The following DLG5 variants were observed in gnomAD, a reference collection of about 807,000 sequenced individuals.
The protein encoded by DLG5 is discs large MAGUK scaffold protein 5, also known as disks large homolog 5.
In DLG5, 48 loss-of-function variants were observed where a neutral mutation model predicts 189.8. The observed-to-expected ratio is 0.25, with a 90% CI of 0.20 to 0.32. The LOEUF is 0.32. Ranked by LOEUF, DLG5 falls within the 10% of genes least tolerant of loss-of-function variation. DLG5 has a pLI of 1.00. For missense variants in DLG5, 2,160 were observed against 2,544.7 expected (o/e 0.85, Z 3.25); for synonymous variants, 1,016 against 1,054.1 (o/e 0.96, Z 0.70).
At chr10:77,815,273 C>T (rs1841994316) in intron 20 of DLG5, among the ~76,000 whole-genome samples, 3 of 152,252 alleles carry the variant, frequency 2.0e-5, no homozygotes, top group African/African-American at 4.8e-5. Context: ...GATTCCCCTA[C>T]TGGGGCCAGG....
chr10:77,876,718 G>GGAGGGAGGGAGGGAGGGAGGGAGT (rs1845105796), intron 1 of DLG5, among the ~76,000 whole-genome samples: 1 of 85,980 alleles, frequency 1.2e-5, no homozygotes, highest in Non-Finnish European at 2.4e-5. Flanking sequence ...AGGGAGGGAG[G>GGAGGGAGGGAGGGAGGGAGGGAGT]GAGGGAGGGA....
At chr10:77,924,550 CTTCA>C (rs917641126) in intron 1 of DLG5, among the ~76,000 whole-genome samples, 2 of 152,232 alleles carry the variant, frequency 1.3e-5, no homozygotes, top group Non-Finnish European at 2.9e-5. Context: ...ATCTTAACTT[CTTCA>C]TTCAGAGATA....
chr10:77,813,491 C>T (rs80193797), intron 20 of DLG5, among the ~76,000 whole-genome samples: 6,784 of 152,268 alleles, frequency 0.045, 236 homozygotes, highest in East Asian at 0.18. Flanking sequence ...CAAACTTGCC[C>T]ACTCTGGAAA....
chr10:77,847,189 C>T (rs1029955405), intron 5 of DLG5, among the ~76,000 whole-genome samples: 2 of 152,226 alleles, frequency 1.3e-5, no homozygotes, highest in African/African-American at 2.4e-5. Context: ...GCTGCTCCCC[C>T]CAGCCTTCAT....
Position 77,806,937 on chromosome 10 carries a change from CA to C in DLG5, c.4797-10del, listed in dbSNP as rs756517807. On this transcript the variant is annotated splice_polypyrimidine_tract_variant and intron_variant, in intron 25 of 31. Transcript: ENST00000372391. Reference sequence around the variant, plus strand: ...GCCGGTCGTACAGGGCCCTGGACCACAGCACAGAAGGAACACGATCAGGCGG... The same window carrying C: ...GCCGGTCGTACAGGGCCCTGGACCACGCACAGAAGGAACACGATCAGGCGG... 6.2e-7 allele frequency: 1 copy of C among 1,607,690 alleles called. No homozygotes were observed. Among genetic ancestry groups the C allele is most frequent in the South Asian group, 1.1e-5 (1 of 90,890 alleles).
chr10:77,904,100 G>T (rs1846007030), intron 1 of DLG5, among the ~76,000 whole-genome samples: 1 of 152,198 alleles, frequency 6.6e-6, no homozygotes, highest in South Asian at 2.1e-4. Flanking sequence ...AGGATAACTT[G>T]AGTCCAAGAG....
At position 77,821,364 on chromosome 10, in the gene DLG5, G is replaced by A. The variant is rs1219716651; in HGVS notation, c.3120C>T (p.Gly1040=). 1 of 1,612,688 alleles carries A rather than the reference G, an allele frequency of 6.2e-7. No homozygotes were observed. The highest frequency in any genetic ancestry group is 2.2e-5 in the East Asian group (1 of 44,866). ...TSSESEATLV[G]SSPSTSPPSA... ...TCGGGGGACTAGTGGATGGGGAGCTGCCCACCAGAGTGGCTTCTGACTCGG... is the reference window on the plus strand; with the variant it reads ...TCGGGGGACTAGTGGATGGGGAGCTACCCACCAGAGTGGCTTCTGACTCGG... The change falls in exon 15 of 32, where the codon GGC becomes GGT. Residue 1040 remains glycine, a synonymous_variant. Coordinates refer to ENST00000372391, the MANE Select transcript of DLG5 (RefSeq NM_004747.4).
intron 20 of DLG5, chr10:77,816,241 C>T (rs1842044016): frequency 1.9e-5 from 12 of 626,766 alleles, no homozygotes; most frequent in South Asian, 1.8e-4. Flanking sequence ...CGTGACTTAG[C>T]CACACGTAAA....
intron 16 of DLG5, 173 bp from the exon 17 acceptor site, chr10:77,819,638 A>T (rs1842236519): frequency 2.8e-6 from 3 of 1,072,768 alleles, no homozygotes; most frequent in Non-Finnish European, 3.9e-6. Flanking sequence ...GCCTGTCTCC[A>T]TTTGTAAAAA....
chr10:77,791,479 C>G lies in DLG5; in HGVS notation c.*961G>C, dbSNP rs1384715445. The G allele has an allele frequency of 1.3e-5, 2 of 152,230 alleles. No homozygotes were observed. Among genetic ancestry groups the G allele is most frequent in the Non-Finnish European group, 2.9e-5 (2 of 68,032 alleles). 9.4% of individuals were successfully genotyped at this position (152,230 alleles called of 1,614,324 possible). On this transcript the variant is annotated 3_prime_UTR_variant, in exon 32 of 32. Transcript: ENST00000372391. ...AGTGACAATAACCATTATGCTTCCC[C>G]TAAAAGCTCTCAATTCAATGTCTGA... is the stretch of plus-strand genomic sequence containing the variant.
the DLG5 span, among the ~76,000 whole-genome samples, chr10:77,936,628 A>G: frequency 1.3e-5 from 2 of 152,176 alleles, no homozygotes; most frequent in African/African-American, 2.4e-5. Flanking sequence ...AATACTATTT[A>G]TTAAGTGCTT....
At chr10:77,830,713 G>A (rs1842855795) in intron 10 of DLG5, 28 bp downstream of exon 10, 1 of 1,611,548 alleles carries the variant, frequency 6.2e-7, no homozygotes, top group East Asian at 2.2e-5. Context: ...ATCAGAGAAG[G>A]AGAGAAGAAC....
chr10:77,828,763 A>T, intron 13 of DLG5, 119 bp downstream of exon 13: 1 of 857,560 alleles, frequency 1.2e-6, no homozygotes, highest in Non-Finnish European at 1.8e-6. Context: ...ATGTTCACAT[A>T]GTACAATGCC....
chr10:77,834,523 G>A (rs914057611), intron 8 of DLG5, among the ~76,000 whole-genome samples: 2 of 152,118 alleles, frequency 1.3e-5, no homozygotes, highest in Non-Finnish European at 2.9e-5. Flanking sequence ...GAGCCCCTTC[G>A]GATACCAGCC....
intron 17 of DLG5, 97 bp from the exon 18 acceptor site, chr10:77,817,986 G>A (rs914198649): frequency 7.0e-5 from 71 of 1,019,784 alleles, no homozygotes; most frequent in Admixed American, 1.6e-4. Context: ...GTTCCCAAGC[G>A]GGCAGAAGGG....
chr10:77,856,875 G>T lies in DLG5; in HGVS notation c.391C>A (p.Pro131Thr). The T allele has an allele frequency of 6.2e-7, 1 of 1,611,664 alleles. No individual in the cohort carries two copies. The change falls in exon 3 of 32, where the codon CCG becomes ACG. Residue 131 changes from proline (P) to threonine (T), a missense_variant. Pro to Thr is a conservative substitution (Grantham distance 38). Coordinates refer to ENST00000372391, the MANE Select transcript of DLG5 (RefSeq NM_004747.4). ...TCAGTGAGGAGGGGTGGTGGGGACG[G>T]CGCCTTCCCGGTAGTGCCTGTGGAA... ...LSSVGTTGKA[P>T]SPPPLLTDQQ...
chr10:77,916,683 C>T (rs1183298611), intron 1 of DLG5, among the ~76,000 whole-genome samples: 3 of 152,010 alleles, frequency 2.0e-5, no homozygotes, highest in Admixed American at 6.6e-5. Context: ...TTAATTAAAA[C>T]TCAGAGTAAA....
At chr10:77,863,454 G>C (rs992176265) in intron 2 of DLG5, among the ~76,000 whole-genome samples, 5 of 152,150 alleles carry the variant, frequency 3.3e-5, no homozygotes, top group African/African-American at 1.2e-4. Flanking sequence ...CATCCTAAGA[G>C]TGATGTTGAC....
At chr10:77,798,717 C>T (rs570106095) in intron 27 of DLG5, among the ~76,000 whole-genome samples, 1 of 152,190 alleles carries the variant, frequency 6.6e-6, no homozygotes, top group Non-Finnish European at 1.5e-5. Flanking sequence ...AACACTTATT[C>T]TGGATCGACT....
Sources: gnomAD v4.1 joint callset for allele counts (sites outside exome capture counted in the v4.1 genomes callset) on GRCh38, gnomAD v4.1.1 for gene constraint, MANE v1.5 for transcripts, NCBI Gene and HGNC (gene_info 2026-07-23, HGNC 2026-07-21) for gene names.